Variants in CR1 observed in about 807,000 individuals in gnomAD.
The protein encoded by CR1 is complement receptor type 1.
In CR1, 116 loss-of-function variants were observed where a neutral mutation model predicts 187.3. The ratio of observed to expected loss-of-function variants is 0.62; its 90% CI spans 0.53 to 0.72. The LOEUF (loss-of-function observed/expected upper bound fraction) is 0.72, where lower values mean the gene tolerates loss of function less well. Ranked by LOEUF, CR1 falls within the 30% of genes least tolerant of loss-of-function variation. The pLI, the probability that CR1 is intolerant of heterozygous loss-of-function variation, is 0.00. For missense variants in CR1, 1,731 were observed against 2,110.7 expected, an observed-to-expected ratio of 0.82 and a Z score of 3.52; for synonymous variants, 576 against 747.1, an observed-to-expected ratio of 0.77 and a Z score of 3.73.
At chr1:207,617,606 TATATATAGAGAGAG>T (rs1467871999) in intron 41 of CR1, among the ~76,000 whole-genome samples, 30 of 18,094 alleles carry the variant, frequency 1.7e-3, no homozygotes, top group East Asian at 9.6e-3. Flanking sequence ...TATATATATA[TATATATAGAGAGAG>T]AGAGAGAGAG....
chr1:207,574,547 T>A (rs1282315297), intron 27 of CR1, among the ~76,000 whole-genome samples: 1 of 152,036 alleles, frequency 6.6e-6, no homozygotes, highest in Non-Finnish European at 1.5e-5. Flanking sequence ...GATAGGATAT[T>A]GGTAAAAAGA....
rs772924634 is a variant in CR1, at chr1:207,587,436, A to G, written c.5581A>G (p.Ile1861Val). Reference protein sequence around the residue: ...QFPFASPTIPINDFEFPVGTS... With the variant: ...QFPFASPTIPVNDFEFPVGTS... ...TCCATTTGCCAGTCCTACGATCCCA[A>G]TTAATGACTTTGAGTTTCCAGTCGG... Residue 1861 changes from isoleucine (I) to valine (V), a missense_variant, in exon 34 of 47, where the codon ATT becomes GTT. Ile to Val is a conservative substitution (Grantham distance 29). Around this residue, in one of 5 missense-constraint regions of CR1, gnomAD observed 1,312 missense variants for 1,379.6 expected, o/e 0.95. Transcript: ENST00000367049. 2 of 1,613,968 alleles carry G rather than the reference A, an allele frequency of 1.2e-6. No homozygotes were observed. Among genetic ancestry groups the G allele is most frequent in the Non-Finnish European group, 1.7e-6 (2 of 1,179,822 alleles).
At chr1:207,586,416 C>T (rs557472971) in intron 33 of CR1, among the ~76,000 whole-genome samples, 56 of 152,298 alleles carry the variant, frequency 3.7e-4, no homozygotes, top group African/African-American at 1.3e-3. Context: ...GACTACAAGG[C>T]GTGAGCCACC....
chr1:207,601,602 A>T (rs992827503), intron 35 of CR1, among the ~76,000 whole-genome samples: 1 of 152,168 alleles, frequency 6.6e-6, no homozygotes, highest in African/African-American at 2.4e-5. Flanking sequence ...TTTAAAAAAA[A>T]TTATTATTAT....
At chr1:207,584,329 T>C (rs1268512782) in intron 32 of CR1, among the ~76,000 whole-genome samples, 1 of 152,206 alleles carries the variant, frequency 6.6e-6, no homozygotes, top group Non-Finnish European at 1.5e-5. Flanking sequence ...AATTAATGGA[T>C]GATTCCCCTT....
At chr1:207,626,911 G>A (rs1001464711) in intron 45 of CR1, among the ~76,000 whole-genome samples, 5 of 152,160 alleles carry the variant, frequency 3.3e-5, no homozygotes, top group African/African-American at 9.7e-5. Flanking sequence ...AGTGGCACAT[G>A]CCTGTAGTCC....
chr1:207,505,767 C>A, intron 1 of CR1, 137 bp from the exon 2 acceptor site: 1 of 889,710 alleles, frequency 1.1e-6, no homozygotes, highest in Non-Finnish European at 1.7e-6. Context: ...ACCCAAGAGG[C>A]GGAGGTTGCA....
At chr1:207,512,620 A>T (rs4562624) in intron 4 of CR1, among the ~76,000 whole-genome samples, 8 of 152,106 alleles carry the variant, frequency 5.3e-5, no homozygotes, top group Admixed American at 6.6e-5. Flanking sequence ...AGAAAGTTTA[A>T]GAGCTTCAGA....
chr1:207,602,971 G>A (rs976383093), intron 35 of CR1, among the ~76,000 whole-genome samples: 1 of 152,076 alleles, frequency 6.6e-6, no homozygotes, highest in Non-Finnish European at 1.5e-5. Context: ...AGATTTAAAA[G>A]AGGGGGACAT....
intron 23 of CR1, 134 bp from the exon 24 acceptor site, chr1:207,565,704 G>C: frequency 1.7e-6 from 2 of 1,162,910 alleles, no homozygotes; most frequent in Middle Eastern, 2.8e-4. Flanking sequence ...TCCAGAATAA[G>C]GTAGCCTGTG....
chr1:207,588,840 C>A (rs1452022526), intron 35 of CR1, 66 bp downstream of exon 35: 1 of 1,092,024 alleles, frequency 9.2e-7, no homozygotes, highest in South Asian at 1.4e-5. Flanking sequence ...CTGACCCAGT[C>A]TCAGATAGAC....
chr1:207,580,119 G>A, intron 29 of CR1, 121 bp from the exon 30 acceptor site: 7 of 1,382,538 alleles, frequency 5.1e-6, no homozygotes, highest in Non-Finnish European at 6.9e-6. Flanking sequence ...AGTGAATTTG[G>A]GGCCTTGTGC....
rs55728705 is a variant in CR1 at position 207,622,401 on chromosome 1, A to G, written c.7276+405A>G. On this transcript the variant is annotated intron_variant, in intron 44 of 46. Coordinates refer to ENST00000367049, the MANE Select transcript of CR1 (RefSeq NM_000651.6). The stretch of plus-strand genomic sequence containing the variant: ...GCCATAAGACCAGTCTTCTGAGCCC[A>G]TATCTGTGATTTGCCTAAATAAGAA... 3.7e-3 allele frequency among the ~76,000 whole-genome samples: 560 copies of G among 152,272 alleles called. 9 individuals carry two copies. Among genetic ancestry groups the G allele is most frequent in the African/African-American group, 0.013 (520 of 41,546 alleles).
intron 35 of CR1, among the ~76,000 whole-genome samples, chr1:207,594,107 A>G (rs1292427840): frequency 6.6e-6 from 1 of 152,208 alleles, no homozygotes; most frequent in East Asian, 1.9e-4. Context: ...TACTGAGTAT[A>G]TACCCAAAGG....
intron 33 of CR1, among the ~76,000 whole-genome samples, chr1:207,585,967 ACT>A (rs1249987988): frequency 2.6e-5 from 4 of 152,192 alleles, no homozygotes; most frequent in Admixed American, 6.5e-5. Flanking sequence ...CAAGCTCCTA[ACT>A]CTACAAAAAA....
intron 40 of CR1, among the ~76,000 whole-genome samples, chr1:207,615,483 C>A (rs1406790556): frequency 6.6e-6 from 1 of 152,090 alleles, no homozygotes. Flanking sequence ...GTTTCCAAAC[C>A]ATCCGCTTAA....
At chr1:207,605,852 T>C (rs1404766910) in intron 35 of CR1, 1 of 152,182 alleles carries the variant, frequency 6.6e-6, no homozygotes, top group Non-Finnish European at 1.5e-5. Context: ...TAAAATTCAA[T>C]CAGTACCTAA....
rs557415971 is a variant in CR1 at position 207,599,625 on chromosome 1, T to A, written c.5811-7626T>A. ...AAATCATAAGACGTCTACTATGAAC[T>A]ATTTTGCAGCAATCAAGAAGACTTA... On this transcript the variant is annotated intron_variant, in intron 35 of 46. Transcript: ENST00000367049. 2.0e-5 allele frequency among the ~76,000 whole-genome samples: 3 copies of A among 152,360 alleles called. No homozygotes were observed. In the South Asian group the frequency reaches 6.2e-4, roughly 32 times the overall value.
At chr1:207,578,236 C>T (rs1660827881) in intron 29 of CR1, 33 bp downstream of exon 29, 1 of 1,611,648 alleles carries the variant, frequency 6.2e-7, no homozygotes. Context: ...AGGGCCCTGC[C>T]AGTGACATGT....
Sources: allele counts gnomAD v4.1 joint callset (sites outside exome capture counted in the v4.1 genomes callset), GRCh38; gene constraint gnomAD v4.1.1; regional missense constraint gnomAD v4.1.1; transcripts MANE v1.5; gene names NCBI Gene and HGNC (gene_info 2026-07-23, HGNC 2026-07-21).